AXIN1: variants seen among roughly 807,000 people sequenced by gnomAD.
AXIN1 encodes axin 1, also known as axin-1.
A neutral mutation model predicts 76.4 loss-of-function variants in AXIN1; 30 were observed. That is an observed-to-expected ratio of 0.39 (90% CI 0.29 to 0.53). The LOEUF (loss-of-function observed/expected upper bound fraction) is 0.53. Ranked by LOEUF, AXIN1 falls within the 20% of genes least tolerant of loss-of-function variation. The probability of loss-of-function intolerance (pLI) is 0.66; values close to 1 mark genes in which losing one functional copy is unlikely to be tolerated. For synonymous variants in AXIN1, 545 were observed against 501.4 expected (o/e 1.09, Z -1.16); for missense variants, 1,140 against 1,198.8 (o/e 0.95, Z 0.72).
chr16:332,723 A>G (rs2053720555), intron 2 of AXIN1, among the ~76,000 whole-genome samples: 1 of 151,996 alleles, frequency 6.6e-6, no homozygotes, highest in East Asian at 1.9e-4. Context: ...AGGGCAGGAA[A>G]AAAATGTATT....
chr16:349,734 G>A (rs2054105099), intron 1 of AXIN1, among the ~76,000 whole-genome samples: 1 of 152,332 alleles, frequency 6.6e-6, no homozygotes, highest in East Asian at 1.9e-4. Flanking sequence ...GCTCTCTACA[G>A]GGGCTGAACT....
In AXIN1 at chr16:296,263, C is replaced by A. The variant is rs938277129; in HGVS notation, c.1955+793G>T. On this transcript the variant is annotated intron_variant, in intron 7 of 10. Transcript: ENST00000262320. The stretch of plus-strand genomic sequence containing the variant: ...GGGCCACGCCCCAGGCGCTCAGCTG[C>A]CTCACAAGTTCTCATCAAGTAATGT... Among the ~76,000 whole-genome samples, 3 of 152,264 alleles carry A rather than the reference C, an allele frequency of 2.0e-5. No homozygotes were observed. In the East Asian group the frequency reaches 5.8e-4, roughly 29 times the overall value.
chr16:299,360 A>G (rs1597002426), intron 5 of AXIN1, among the ~76,000 whole-genome samples: 1 of 152,168 alleles, frequency 6.6e-6, no homozygotes, highest in South Asian at 2.1e-4. Flanking sequence ...CTATGTATGT[A>G]TTTATTTATT....
chr16:301,776 G>A (rs1014447073), intron 5 of AXIN1, among the ~76,000 whole-genome samples: 4 of 152,076 alleles, frequency 2.6e-5, no homozygotes, highest in African/African-American at 9.7e-5. Context: ...TACAGCGGCC[G>A]GCGACCGACA....
intron 5 of AXIN1, 129 bp downstream of exon 5, chr16:304,175 C>G: frequency 6.7e-7 from 1 of 1,491,318 alleles, no homozygotes; most frequent in South Asian, 1.2e-5. Flanking sequence ...GGGACTCAGC[C>G]GGGAGGCCTC....
At chr16:321,137 C>T (rs377617757) in intron 2 of AXIN1, among the ~76,000 whole-genome samples, 1 of 152,114 alleles carries the variant, frequency 6.6e-6, no homozygotes, top group Non-Finnish European at 1.5e-5. Flanking sequence ...GGGAATCACC[C>T]GAAACCACTG....
chr16:334,302 A>C (rs920568075), intron 2 of AXIN1, among the ~76,000 whole-genome samples: 1 of 148,864 alleles, frequency 6.7e-6, no homozygotes, highest in African/African-American at 2.5e-5. Context: ...GCATGCCAAT[A>C]ACCCAGCACC....
intron 2 of AXIN1, among the ~76,000 whole-genome samples, chr16:334,262 T>TACCACAGC: frequency 6.9e-6 from 1 of 144,780 alleles, no homozygotes; most frequent in Admixed American, 6.9e-5. Context: ...AGTACCACAG[T>TACCACAGC]ACACCAATAA....
chr16:295,265 C>T (rs1292890969), intron 7 of AXIN1, among the ~76,000 whole-genome samples: 4 of 151,566 alleles, frequency 2.6e-5, no homozygotes, highest in Non-Finnish European at 5.9e-5. Flanking sequence ...CCACCACACA[C>T]GGCTAATTTT....
chr16:301,955 G>A (rs990749647), intron 5 of AXIN1, among the ~76,000 whole-genome samples: 3 of 152,216 alleles, frequency 2.0e-5, no homozygotes, highest in African/African-American at 4.8e-5. Context: ...CCGTGGGCCC[G>A]GATGTGGCCT....
chr16:290,782 C>G (rs1371416303), intron 9 of AXIN1: 5 of 357,906 alleles, frequency 1.4e-5, no homozygotes, highest in South Asian at 2.3e-5. Context: ...ACACTGCAAG[C>G]AGACGCACCC....
At chr16:313,417 T>G (rs2053227268) in intron 3 of AXIN1, among the ~76,000 whole-genome samples, 1 of 152,244 alleles carries the variant, frequency 6.6e-6, no homozygotes, top group Non-Finnish European at 1.5e-5. Context: ...CCTCCAGCCC[T>G]ATCCAGATCT....
At position 310,078 on chromosome 16, in the gene AXIN1, G is replaced by A. The variant is rs771058655; in HGVS notation, c.1020-9C>T. The A allele has an allele frequency of 6.2e-7, 1 of 1,604,902 alleles. No homozygotes were observed. Among genetic ancestry groups the A allele is most frequent in the Non-Finnish European group, 8.5e-7 (1 of 1,176,254 alleles). On this transcript the variant is annotated splice_polypyrimidine_tract_variant and intron_variant, in intron 3 of 10. Coordinates refer to ENST00000262320, the MANE Select transcript of AXIN1 (RefSeq NM_003502.4). Reference sequence around the variant, plus strand: ...ATGGGGGGATCCCATCCCTGTCCAGGAGAAAGAGGCAGCCGTTAACTCAGA... The same window carrying A: ...ATGGGGGGATCCCATCCCTGTCCAGAAGAAAGAGGCAGCCGTTAACTCAGA...
At chr16:320,067 C>T (rs78419541) in intron 2 of AXIN1, among the ~76,000 whole-genome samples, 3,116 of 152,218 alleles carry the variant, frequency 0.02, 46 homozygotes, top group East Asian at 0.055. Context: ...CTTCCCAGGC[C>T]GCATGAGAAC....
intron 2 of AXIN1, among the ~76,000 whole-genome samples, chr16:331,929 A>C (rs182370002): frequency 5.6e-4 from 85 of 152,262 alleles, no homozygotes; most frequent in Admixed American, 1.7e-3. Context: ...CGCTGTTTCC[A>C]GGCCTGTGGG....
rs1340553655 is a variant in AXIN1 at position 311,299 on chromosome 16, G to C, written c.1020-1230C>G. Among the ~76,000 whole-genome samples, 3 of 151,768 alleles carry C rather than the reference G, an allele frequency of 2.0e-5. No homozygotes were observed. In the East Asian group the frequency reaches 5.9e-4, roughly 30 times the overall value. ...CCTGCCTCGGCCTCCCAAACTGCTG[G>C]GATTACAGGCATGCGCCACCGCGCC... On this transcript the variant is annotated intron_variant, in intron 3 of 10. Transcript: ENST00000262320.
At position 287,511 on chromosome 16, in the gene AXIN1, C is replaced by T. The variant is rs2141455754; in HGVS notation, c.*611G>A. 3.0e-6 allele frequency: 1 copy of T among 331,088 alleles called. No homozygotes were observed. The highest frequency in any genetic ancestry group is 4.8e-5 in the East Asian group (1 of 21,020). 20.5% of individuals were successfully genotyped at this position (331,088 alleles called of 1,614,324 possible). ...AAAAGATAATTAATTGTACAAGTGT[C>T]ATCGCATGAAAAACAGACTCGGGCA... On this transcript the variant is annotated 3_prime_UTR_variant, in exon 11 of 11. Transcript: ENST00000262320.
chr16:350,516 T>C (rs897865772), intron 1 of AXIN1, among the ~76,000 whole-genome samples: 2 of 152,226 alleles, frequency 1.3e-5, no homozygotes, highest in African/African-American at 4.8e-5. Flanking sequence ...GCAAACTCAA[T>C]GCTACCTACG....
At chr16:306,599 T>C (rs2053033343) in intron 4 of AXIN1, among the ~76,000 whole-genome samples, 1 of 152,176 alleles carries the variant, frequency 6.6e-6, no homozygotes, top group African/African-American at 2.4e-5. Flanking sequence ...GGGGTGAGAC[T>C]GGACACAGGG....
Sources: allele counts gnomAD v4.1 joint callset (sites outside exome capture counted in the v4.1 genomes callset), GRCh38; gene constraint gnomAD v4.1.1; transcripts MANE v1.5; gene names NCBI Gene and HGNC (gene_info 2026-07-23, HGNC 2026-07-21).